The following ATRNL1 variants were observed in gnomAD, a reference collection of about 807,000 sequenced individuals.
The protein encoded by ATRNL1 is attractin-like protein 1.
In ATRNL1, 95 loss-of-function variants were observed where a neutral mutation model predicts 182.7. That is an observed-to-expected ratio of 0.52 (90% CI 0.44 to 0.62). The LOEUF is 0.62. Ranked by LOEUF, ATRNL1 falls within the 20% of genes least tolerant of loss-of-function variation. ATRNL1 has a pLI of 0.00. For missense variants in ATRNL1, 1,471 were observed against 1,679.5 expected (o/e 0.88, Z 2.17); for synonymous variants, 576 against 568.3 (o/e 1.01, Z -0.19).
intron 24 of ATRNL1, among the ~76,000 whole-genome samples, chr10:115,485,519 T>G (rs369703241): frequency 6.6e-6 from 1 of 152,110 alleles, no homozygotes; most frequent in Admixed American, 6.6e-5. Context: ...CAACATTTTT[T>G]GAGAATACAA....
chr10:115,498,067 C>A (rs1311805347), intron 24 of ATRNL1, among the ~76,000 whole-genome samples: 1 of 152,068 alleles, frequency 6.6e-6, no homozygotes, highest in Non-Finnish European at 1.5e-5. Flanking sequence ...AAATTGATAC[C>A]AAATCTGAAT....
At chr10:115,704,998 G>A (rs2134004209) in intron 26 of ATRNL1, among the ~76,000 whole-genome samples, 1 of 151,736 alleles carries the variant, frequency 6.6e-6, no homozygotes, top group Non-Finnish European at 1.5e-5. Flanking sequence ...ACTCTCATAT[G>A]AGACAGCCCT....
At chr10:115,387,608 G>A (rs1446535062) in intron 19 of ATRNL1, among the ~76,000 whole-genome samples, 1 of 152,040 alleles carries the variant, frequency 6.6e-6, no homozygotes, top group Non-Finnish European at 1.5e-5. Flanking sequence ...AAACAACCCA[G>A]CCCTGGGCAG....
At chr10:115,591,109 ATATT>A (rs2133917041) in intron 26 of ATRNL1, among the ~76,000 whole-genome samples, 1 of 152,352 alleles carries the variant, frequency 6.6e-6, no homozygotes, top group South Asian at 2.1e-4. Context: ...ATACGTGTAT[ATATT>A]AATACATACG....
intron 15 of ATRNL1, among the ~76,000 whole-genome samples, chr10:115,290,747 G>A (rs1852862728): frequency 6.6e-6 from 1 of 152,128 alleles, no homozygotes; most frequent in African/African-American, 2.4e-5. Flanking sequence ...CTCTGGAGTG[G>A]GTCTTCTAGT....
intron 27 of ATRNL1, among the ~76,000 whole-genome samples, chr10:115,737,221 G>A (rs1242454216): frequency 6.6e-6 from 1 of 151,202 alleles, no homozygotes; most frequent in Non-Finnish European, 1.5e-5. Flanking sequence ...AGCTTAGGAG[G>A]TCAAAATCCA....
intron 24 of ATRNL1, among the ~76,000 whole-genome samples, chr10:115,487,928 G>C (rs782343702): frequency 6.6e-6 from 1 of 152,118 alleles, no homozygotes; most frequent in African/African-American, 2.4e-5. Flanking sequence ...AGAGTTTTTA[G>C]TATGAAAGGC....
At chr10:115,121,575 A>G (rs1194314869) in intron 2 of ATRNL1, 124 bp from the exon 3 acceptor site, 8 of 395,040 alleles carry the variant, frequency 2.0e-5, no homozygotes, top group Non-Finnish European at 3.5e-5. Flanking sequence ...CAGATTTCTA[A>G]TAAAATACCC....
At chr10:115,304,172 G>A (rs1554925492) in intron 17 of ATRNL1, among the ~76,000 whole-genome samples, 1 of 152,092 alleles carries the variant, frequency 6.6e-6, no homozygotes, top group African/African-American at 2.4e-5. Context: ...TTTCTATAAC[G>A]TTCATAAGTA....
At chr10:115,378,219 C>A (rs1413618030) in intron 19 of ATRNL1, among the ~76,000 whole-genome samples, 1 of 152,128 alleles carries the variant, frequency 6.6e-6, no homozygotes, top group Non-Finnish European at 1.5e-5. Flanking sequence ...ACAGGGGATA[C>A]AACTGATTTA....
chr10:115,197,137 T>C (rs1190801879), intron 8 of ATRNL1, among the ~76,000 whole-genome samples: 4 of 152,252 alleles, frequency 2.6e-5, no homozygotes, highest in Non-Finnish European at 4.4e-5. Context: ...AGAAAAACTT[T>C]TGTTTTTTCA....
At chr10:115,337,457 G>T (rs1554937088) in intron 19 of ATRNL1, among the ~76,000 whole-genome samples, 3 of 151,282 alleles carry the variant, frequency 2.0e-5, no homozygotes, top group African/African-American at 7.3e-5. Context: ...CTATTTTTTT[G>T]CACCTCTTAA....
At chr10:115,810,612 G>A (rs1950025026) in intron 27 of ATRNL1, among the ~76,000 whole-genome samples, 1 of 151,714 alleles carries the variant, frequency 6.6e-6, no homozygotes, top group Admixed American at 6.6e-5. Flanking sequence ...GTTAATTCTT[G>A]GAAGTAAAAC....
intron 19 of ATRNL1, among the ~76,000 whole-genome samples, chr10:115,373,880 A>G (rs1284181215): frequency 6.6e-6 from 1 of 151,930 alleles, no homozygotes; most frequent in African/African-American, 2.4e-5. Context: ...TGCTGGCCAT[A>G]TAAAAATGAG....
chr10:115,276,446 A>G (rs1852108054), intron 13 of ATRNL1, among the ~76,000 whole-genome samples: 1 of 152,208 alleles, frequency 6.6e-6, no homozygotes, highest in South Asian at 2.1e-4. Context: ...TTTATATTTT[A>G]TTCAATGATG....
At chr10:115,875,684 C>T (rs184565062) in intron 28 of ATRNL1, among the ~76,000 whole-genome samples, 17 of 152,300 alleles carry the variant, frequency 1.1e-4, no homozygotes, top group South Asian at 2.1e-4. Context: ...TGAGCACTTA[C>T]TAGGTGTTGG....
At chr10:115,610,717 C>A (rs1002560145) in intron 26 of ATRNL1, among the ~76,000 whole-genome samples, 8 of 152,108 alleles carry the variant, frequency 5.3e-5, no homozygotes, top group Admixed American at 2.6e-4. Flanking sequence ...GGTCTTTGAA[C>A]AGTGCTTACC....
Position 115,093,693 on chromosome 10 carries a change from A to G in ATRNL1, c.-58A>G, listed in dbSNP as rs1301287680. 7 of 1,422,644 alleles carry G rather than the reference A, an allele frequency of 4.9e-6. No individual in the cohort carries two copies. In the East Asian group the frequency reaches 1.2e-4, roughly 24 times the overall value. The allele number at this position is 1,422,644 out of a possible 1,614,324, so 88.1% of individuals were successfully genotyped here. On this transcript the variant is annotated 5_prime_UTR_variant, in exon 1 of 29. Transcript: ENST00000355044. The surrounding 1 kb of genome is among the most constrained non-coding windows in gnomAD (Gnocchi z 6.1). ...TTTTCTGCGGCCGGAATTCCCTTCA[A>G]CAGCATCCCTGTCGGCGCCCGCGAG...
chr10:115,612,939 C>T (rs1857240880), intron 26 of ATRNL1, among the ~76,000 whole-genome samples: 1 of 152,198 alleles, frequency 6.6e-6, no homozygotes, highest in South Asian at 2.1e-4. Context: ...GATCAACCAT[C>T]TCAAGCATCT....
Sources: allele counts gnomAD v4.1 joint callset (sites outside exome capture counted in the v4.1 genomes callset), GRCh38; gene constraint gnomAD v4.1.1; non-coding constraint Gnocchi (gnomAD v3.1); transcripts MANE v1.5; gene names NCBI Gene and HGNC (gene_info 2026-07-23, HGNC 2026-07-21).